Variants in ZFHX3 observed in about 807,000 individuals in gnomAD.
ZFHX3 encodes the protein zinc finger homeobox protein 3.
Under a neutral mutation model 279.1 loss-of-function variants are expected in ZFHX3, and 42 were observed. The ratio of observed to expected loss-of-function variants is 0.15; its 90% CI spans 0.12 to 0.19. The LOEUF is 0.19. ZFHX3 is among the 10% of genes least tolerant of loss of function. The pLI is 1.00. For missense variants in ZFHX3, 4,981 were observed against 4,754.0 expected (o/e 1.05, Z -1.40); for synonymous variants, 2,293 against 1,957.8 (o/e 1.17, Z -4.52).
In ZFHX3 at chr16:73,601,276, C is replaced by T. The variant is rs1010698021; in HGVS notation, c.-1547+78904G>A. On this transcript the variant is annotated intron_variant, in intron 2 of 17. Coordinates refer to the ZFHX3 transcript ENST00000641206. ...AACCATCCTGGCCAATATGGTGAAA[C>T]CCCGTCTCTACTACTAAAAATACAA... Among the ~76,000 whole-genome samples the T allele has an allele frequency of 4.0e-5, 6 of 149,404 alleles. No individual in the cohort carries two copies. The South Asian group carries it at 1.1e-3, about 27-fold the overall frequency.
intron 8 of ZFHX3, among the ~76,000 whole-genome samples, chr16:73,072,789 C>T (rs1407433850): frequency 1.3e-5 from 2 of 152,188 alleles, no homozygotes; most frequent in Non-Finnish European, 2.9e-5. Flanking sequence ...AGGCTGGTCT[C>T]GAACTCCTGG....
intron 3 of ZFHX3, among the ~76,000 whole-genome samples, chr16:73,409,665 C>G (rs927561314): frequency 1.3e-5 from 2 of 152,178 alleles, no homozygotes; most frequent in African/African-American, 4.8e-5. Context: ...TATCTGTACT[C>G]TCATGTTTAT....
intron 1 of ZFHX3, among the ~76,000 whole-genome samples, chr16:73,791,883 T>C (rs546528375): frequency 6.6e-6 from 1 of 152,344 alleles, no homozygotes; most frequent in Non-Finnish European, 1.5e-5. Flanking sequence ...TATTGTCTTC[T>C]CCAGGCCTTT....
intron 3 of ZFHX3, among the ~76,000 whole-genome samples, chr16:73,364,440 A>C (rs2016492837): frequency 6.6e-6 from 1 of 151,914 alleles, no homozygotes; most frequent in Non-Finnish European, 1.5e-5. Flanking sequence ...GAGGAACTAA[A>C]CAGAAGTATT....
At chr16:73,155,936 G>GAATAT (rs778890432) in intron 5 of ZFHX3, among the ~76,000 whole-genome samples, 7 of 151,878 alleles carry the variant, frequency 4.6e-5, no homozygotes, top group Non-Finnish European at 4.4e-5. Context: ...ATATATGTAA[G>GAATAT]AATATATATA....
intron 3 of ZFHX3, among the ~76,000 whole-genome samples, chr16:73,446,113 C>T (rs2018180379): frequency 6.6e-6 from 1 of 152,126 alleles, no homozygotes; most frequent in Admixed American, 6.5e-5. Context: ...CTCAGTAACA[C>T]AAAGTTATGG....
intron 4 of ZFHX3, among the ~76,000 whole-genome samples, chr16:72,856,161 G>A (rs768620305): frequency 9.9e-5 from 15 of 152,216 alleles, no homozygotes; most frequent in South Asian, 2.1e-4. Context: ...TATGAAGGGG[G>A]GAAAGAAACT....
chr16:73,720,994 A>C (rs2053468401), intron 1 of ZFHX3, among the ~76,000 whole-genome samples: 1 of 152,222 alleles, frequency 6.6e-6, no homozygotes, highest in Admixed American at 6.5e-5. Flanking sequence ...GGCTGACAGA[A>C]GTGTTTTATT....
At chr16:73,692,264 A>T (rs2053156574) in intron 1 of ZFHX3, among the ~76,000 whole-genome samples, 1 of 152,166 alleles carries the variant, frequency 6.6e-6, no homozygotes, top group African/African-American at 2.4e-5. Flanking sequence ...GGAGGTAGGA[A>T]GTCTCTCCTG....
At chr16:73,580,504 CAAACAAAA>C (rs2051849517) in intron 2 of ZFHX3, among the ~76,000 whole-genome samples, 1 of 140,382 alleles carries the variant, frequency 7.1e-6, no homozygotes, top group Non-Finnish European at 1.5e-5. Context: ...AACAAACAAA[CAAACAAAA>C]AAAAAAAAAC....
At chr16:73,731,998 T>C (rs1469972471) in intron 1 of ZFHX3, among the ~76,000 whole-genome samples, 1 of 152,220 alleles carries the variant, frequency 6.6e-6, no homozygotes, top group Non-Finnish European at 1.5e-5. Flanking sequence ...TACTTGGGGA[T>C]TTCAGGCTTT....
intron 5 of ZFHX3, among the ~76,000 whole-genome samples, chr16:73,252,544 C>T (rs954589535): frequency 6.6e-6 from 1 of 152,044 alleles, no homozygotes; most frequent in Non-Finnish European, 1.5e-5. Flanking sequence ...GAATATGAGG[C>T]CCTGGTGAGA....
chr16:73,604,676 C>T lies in ZFHX3; in HGVS notation c.-1547+75504G>A, dbSNP rs556539597. 1.4e-3 allele frequency among the ~76,000 whole-genome samples: 209 copies of T among 149,928 alleles called. 2 individuals are homozygous for T. The highest frequency in any genetic ancestry group is 2.7e-3 in the Non-Finnish European group (183 of 67,778). ...CAGAGAATGGCTTCACCCCGGGAGG[C>T]GGAGGTAGCAGTGGGCAGAGATGGG... On this transcript the variant is annotated intron_variant, in intron 2 of 17. Transcript: ENST00000641206.
At chr16:73,080,258 C>T (rs374789249) in intron 8 of ZFHX3, among the ~76,000 whole-genome samples, 1 of 152,160 alleles carries the variant, frequency 6.6e-6, no homozygotes, top group African/African-American at 2.4e-5. Flanking sequence ...TCTAAGACAG[C>T]GGTTCAGAAA....
At chr16:73,636,491 T>C (rs542252507) in intron 2 of ZFHX3, among the ~76,000 whole-genome samples, 1 of 152,292 alleles carries the variant, frequency 6.6e-6, no homozygotes, top group South Asian at 2.1e-4. Flanking sequence ...AACAACATAA[T>C]TGTCTACCTG....
intron 2 of ZFHX3, among the ~76,000 whole-genome samples, chr16:73,468,245 C>A (rs73598944): frequency 0.026 from 3,900 of 152,212 alleles, 156 homozygotes; most frequent in African/African-American, 0.09. Context: ...TCCTCAGCCT[C>A]CTGGCCCAGG....
chr16:73,159,411 G>A (rs1414747879), intron 5 of ZFHX3, among the ~76,000 whole-genome samples: 1 of 152,158 alleles, frequency 6.6e-6, no homozygotes, highest in Non-Finnish European at 1.5e-5. Flanking sequence ...TAGCTAAGGT[G>A]ACACAAACCC....
intron 1 of ZFHX3, among the ~76,000 whole-genome samples, chr16:73,694,874 G>A (rs1597070146): frequency 1.3e-5 from 2 of 152,290 alleles, no homozygotes; most frequent in East Asian, 3.9e-4. Context: ...CAAATATGAA[G>A]CAAAAGGCCA....
At position 73,635,715 on chromosome 16, in the gene ZFHX3, G is replaced by A. The variant is rs1032450382; in HGVS notation, c.-1547+44465C>T. On this transcript the variant is annotated intron_variant, in intron 2 of 17. Coordinates refer to the ZFHX3 transcript ENST00000641206. Reference sequence around the variant, plus strand: ...TGATTGTCTCCTGCTGACCACTGGCGATCTCACTACTCCCATCTACCATCC... The same window carrying A: ...TGATTGTCTCCTGCTGACCACTGGCAATCTCACTACTCCCATCTACCATCC... Among the ~76,000 whole-genome samples, 11 of 152,000 alleles carry A rather than the reference G, an allele frequency of 7.2e-5. No homozygotes were observed. In the East Asian group the frequency reaches 1.4e-3, roughly 19 times the overall value.
Sources: gnomAD v4.1 joint callset for allele counts (sites outside exome capture counted in the v4.1 genomes callset) on GRCh38, gnomAD v4.1.1 for gene constraint, MANE v1.5 for transcripts, NCBI Gene and HGNC (gene_info 2026-07-23, HGNC 2026-07-21) for gene names.